PGGT1B: variants seen among roughly 807,000 people sequenced by gnomAD.
The protein encoded by PGGT1B is protein geranylgeranyltransferase type I subunit beta, also known as geranylgeranyl transferase type-1 subunit beta.
Under a neutral mutation model 46.1 loss-of-function variants are expected in PGGT1B, and 30 were observed. The observed-to-expected ratio is 0.65, with a 90% CI of 0.49 to 0.88. The LOEUF (loss-of-function observed/expected upper bound fraction) is 0.88, where lower values mean the gene tolerates loss of function less well. PGGT1B is among the 40% of genes least tolerant of loss of function. The probability of loss-of-function intolerance (pLI) is 0.00; values close to 1 mark genes in which losing one functional copy is unlikely to be tolerated. For missense variants in PGGT1B, 376 were observed against 455.9 expected (o/e 0.82, Z 1.60); for synonymous variants, 170 against 160.0 (o/e 1.06, Z -0.47).
intron 2 of PGGT1B, among the ~76,000 whole-genome samples, chr5:115,251,671 G>C (rs979483087): frequency 6.6e-6 from 1 of 151,830 alleles, no homozygotes; most frequent in African/African-American, 2.4e-5. Flanking sequence ...TTTATTTCAG[G>C]AGTACGAGTT....
intron 5 of PGGT1B, among the ~76,000 whole-genome samples, chr5:115,231,242 C>T (rs980327806): frequency 5.3e-5 from 8 of 151,940 alleles, no homozygotes; most frequent in African/African-American, 1.9e-4. Flanking sequence ...TAAATGCATA[C>T]ACTAGGCACA....
chr5:115,227,318 C>A (rs1210369405), intron 6 of PGGT1B, among the ~76,000 whole-genome samples: 1 of 152,128 alleles, frequency 6.6e-6, no homozygotes, highest in East Asian at 1.9e-4. Context: ...ATCCACTTCC[C>A]TGTATGGTCA....
chr5:115,221,901 G>A lies in PGGT1B; in HGVS notation c.766C>T (p.Gln256Ter). Residue 256 changes from glutamine to a stop codon, truncating the protein, a stop_gained, in exon 7 of 9, where the codon CAA becomes TAA. Transcript: ENST00000419445. LOFTEE classifies it high-confidence loss of function. ...GGTCTTCCATGATAACCATTTTGTTGCCTCATTATACACCACCTCTTTATC... is the reference window on the plus strand; with the variant it reads ...GGTCTTCCATGATAACCATTTTGTTACCTCATTATACACCACCTCTTTATC... ...NRIKRWCIMR[Q>*]QNGYHGRPNK... 1 of 1,609,520 alleles carries A rather than the reference G, an allele frequency of 6.2e-7. No homozygotes were observed. Among genetic ancestry groups the A allele is most frequent in the East Asian group, 2.2e-5 (1 of 44,596 alleles).
Position 115,205,509 on chromosome 5 carries a change from AAG to A in PGGT1B, c.*6891_*6892del, listed in dbSNP as rs1756035659. Reference sequence around the variant, plus strand: ...CTCAGTTAAAAAAATGTGGCATAAAAAGAATGTTATTTCTGGAGACAGAAAAC... The same window carrying A: ...CTCAGTTAAAAAAATGTGGCATAAAAAATGTTATTTCTGGAGACAGAAAAC... On this transcript the variant is annotated 3_prime_UTR_variant, in exon 9 of 9. Transcript: ENST00000419445. The A allele has an allele frequency of 6.6e-6, 1 of 152,164 alleles. No individual in the cohort carries two copies. The highest frequency in any genetic ancestry group is 2.4e-5 in the African/African-American group (1 of 41,456). 9.4% of individuals were successfully genotyped at this position (152,164 alleles called of 1,614,324 possible). A position where few individuals can be genotyped will look rare whatever the true frequency, so the allele number is the denominator to read the frequency against.
intron 1 of PGGT1B, among the ~76,000 whole-genome samples, chr5:115,259,389 G>C (rs1748454221): frequency 6.6e-6 from 1 of 152,074 alleles, no homozygotes; most frequent in South Asian, 2.1e-4. Context: ...GCTAGACTGT[G>C]ATATATTTAA....
chr5:115,217,607 A>G (rs896830465), intron 7 of PGGT1B, among the ~76,000 whole-genome samples: 8 of 152,006 alleles, frequency 5.3e-5, no homozygotes, highest in African/African-American at 1.9e-4. Flanking sequence ...GATGAGGTGC[A>G]CAGTAGGTAA....
rs34207751 is a variant in PGGT1B, at chr5:115,211,598, C to CAAAAAAAA, written c.*796_*803dup. The CAAAAAAAA allele has an allele frequency of 5.5e-3, 401 of 72,442 alleles. 2 individuals are homozygous for CAAAAAAAA. Among genetic ancestry groups the CAAAAAAAA allele is most frequent in the Middle Eastern group, 0.013 (1 of 76 alleles). 4.5% of individuals were successfully genotyped at this position (72,442 alleles called of 1,614,324 possible). ...AAAAGATTGTTTTCTTCCTAGAAAG[C>CAAAAAAAA]AAAAAAAAAAAAAAAAAAAAAAAGG... On this transcript the variant is annotated 3_prime_UTR_variant, in exon 9 of 9. Transcript: ENST00000419445.
chr5:115,225,864 G>A (rs186316459), intron 6 of PGGT1B, among the ~76,000 whole-genome samples: 101 of 152,002 alleles, frequency 6.6e-4, no homozygotes, highest in Middle Eastern at 6.8e-3. Context: ...GGCCAGGCTG[G>A]TCCTGAACTC....
intron 2 of PGGT1B, among the ~76,000 whole-genome samples, chr5:115,242,565 C>A (rs1054957328): frequency 7.9e-5 from 12 of 152,182 alleles, no homozygotes; most frequent in South Asian, 6.2e-4. Context: ...CCCCAAAAAA[C>A]TTAAAATAGT....
chr5:115,212,210 C>T lies in PGGT1B; in HGVS notation c.*192G>A, dbSNP rs1044002550. ...AACCACGACAAAGTTGTGGTTCAAA[C>T]TTCAACAAAGATTTTCTTGAAACCC... is the stretch of plus-strand genomic sequence containing the variant. On this transcript the variant is annotated 3_prime_UTR_variant, in exon 9 of 9. Transcript: ENST00000419445. 2 of 1,061,862 alleles carry T rather than the reference C, an allele frequency of 1.9e-6. No individual in the cohort carries two copies. The highest frequency in any genetic ancestry group is 3.3e-5 in the Admixed American group (1 of 29,950). The allele number at this position is 1,061,862 out of a possible 1,614,324, so 65.8% of individuals were successfully genotyped here.
chr5:115,254,466 T>C (rs1748230157), intron 1 of PGGT1B, among the ~76,000 whole-genome samples: 2 of 152,100 alleles, frequency 1.3e-5, no homozygotes, highest in Admixed American at 6.6e-5. Flanking sequence ...TAAGCACTTA[T>C]GTGTGGAATT....
At chr5:115,229,559 G>A (rs1756912036) in intron 6 of PGGT1B, among the ~76,000 whole-genome samples, 1 of 152,080 alleles carries the variant, frequency 6.6e-6, no homozygotes, top group African/African-American at 2.4e-5. Context: ...ATTAGACAGT[G>A]TCATGTTTGG....
chr5:115,216,215 C>A (rs1318305675), intron 8 of PGGT1B, among the ~76,000 whole-genome samples: 1 of 152,166 alleles, frequency 6.6e-6, no homozygotes, highest in African/African-American at 2.4e-5. Context: ...TCTCGGCTCA[C>A]TGGAACCTCT....
intron 2 of PGGT1B, among the ~76,000 whole-genome samples, chr5:115,252,083 T>C (rs1402300355): frequency 6.6e-6 from 1 of 152,098 alleles, no homozygotes; most frequent in African/African-American, 2.4e-5. Flanking sequence ...AATAGTACTC[T>C]TAGCAGAAAT....
intron 7 of PGGT1B, 127 bp downstream of exon 7, chr5:115,221,697 A>G: frequency 2.0e-6 from 1 of 495,884 alleles, no homozygotes; most frequent in Non-Finnish European, 3.5e-6. Context: ...GCTTTGGCAG[A>G]GCAAAAGAGA....
intron 4 of PGGT1B, 42 bp downstream of exon 4, chr5:115,237,816 T>C: frequency 6.4e-7 from 1 of 1,563,892 alleles, no homozygotes; most frequent in Non-Finnish European, 8.7e-7. Flanking sequence ...TTCCAATATA[T>C]TTTTGTTTAT....
chr5:115,221,577 T>C (rs1361017994), intron 7 of PGGT1B, among the ~76,000 whole-genome samples: 2 of 152,016 alleles, frequency 1.3e-5, no homozygotes, highest in Non-Finnish European at 2.9e-5. Flanking sequence ...ATGTAAGGTT[T>C]TAAGTAGGCA....
chr5:115,245,056 C>T (rs1251581772), intron 2 of PGGT1B, among the ~76,000 whole-genome samples: 2 of 152,098 alleles, frequency 1.3e-5, no homozygotes, highest in Non-Finnish European at 2.9e-5. Context: ...TACTAATCTG[C>T]TAACAGTCCT....
Position 115,216,983 on chromosome 5 carries a change from C to A in PGGT1B, c.844-10G>T, listed in dbSNP as rs1158004918. 8.6e-7 allele frequency: 1 copy of A among 1,168,374 alleles called. No homozygotes were observed. Among genetic ancestry groups the A allele is most frequent in the Non-Finnish European group, 1.3e-6 (1 of 781,572 alleles). The allele number at this position is 1,168,374 out of a possible 1,614,324, so 72.4% of individuals were successfully genotyped here. On this transcript the variant is annotated splice_polypyrimidine_tract_variant and intron_variant, in intron 7 of 8. Transcript: ENST00000419445. ...GGAAAATTTTTAGAAGCTGAAATGA[C>A]ATGACAAATAAAAATTTACTGACAT... is the stretch of plus-strand genomic sequence containing the variant.
Sources: allele counts gnomAD v4.1 joint callset (sites outside exome capture counted in the v4.1 genomes callset), GRCh38; gene constraint gnomAD v4.1.1; transcripts MANE v1.5; gene names NCBI Gene and HGNC (gene_info 2026-07-23, HGNC 2026-07-21).